LIN52: variants seen among roughly 807,000 people sequenced by gnomAD.
LIN52 encodes the protein protein lin-52 homolog.
Under a neutral mutation model 18.5 loss-of-function variants are expected in LIN52, and 4 were observed. The observed-to-expected ratio is 0.22, with a 90% CI of 0.11 to 0.49. The LOEUF (loss-of-function observed/expected upper bound fraction) is 0.49. LIN52 is among the 20% of genes least tolerant of loss of function. LIN52 has a pLI of 0.97. For synonymous variants in LIN52, 34 were observed against 45.5 expected, an observed-to-expected ratio of 0.75 and a Z score of 1.02; for missense variants, 102 against 139.5, an observed-to-expected ratio of 0.73 and a Z score of 1.35.
intron 5 of LIN52, among the ~76,000 whole-genome samples, chr14:74,119,836 CTTTT>C (rs555673247): frequency 7.6e-6 from 1 of 132,330 alleles, no homozygotes. Flanking sequence ...CTGGATTATT[CTTTT>C]TTTTTTTTTT....
At chr14:74,129,880 C>A (rs894199129) in intron 5 of LIN52, among the ~76,000 whole-genome samples, 2 of 152,092 alleles carry the variant, frequency 1.3e-5, no homozygotes, top group East Asian at 3.8e-4. Context: ...TAAAGACATA[C>A]CCCAGACTGG....
chr14:74,157,729 A>C (rs1003088950), intron 5 of LIN52, among the ~76,000 whole-genome samples: 5 of 152,000 alleles, frequency 3.3e-5, no homozygotes, highest in Admixed American at 3.3e-4. Flanking sequence ...CCTGCTTATC[A>C]AAGTTCTATG....
chr14:74,143,782 T>C (rs1253221522), intron 5 of LIN52, among the ~76,000 whole-genome samples: 2 of 152,174 alleles, frequency 1.3e-5, no homozygotes, highest in Non-Finnish European at 2.9e-5. Flanking sequence ...TTCTTTGTGG[T>C]GAGAACATTC....
At chr14:74,099,353 C>T (rs193151743) in intron 4 of LIN52, among the ~76,000 whole-genome samples, 2 of 152,260 alleles carry the variant, frequency 1.3e-5, no homozygotes, top group Non-Finnish European at 2.9e-5. Flanking sequence ...CAGATTCCCT[C>T]CTCCTGCCAT....
intron 5 of LIN52, among the ~76,000 whole-genome samples, chr14:74,134,628 C>T (rs906440038): frequency 6.6e-6 from 1 of 150,754 alleles, no homozygotes; most frequent in Non-Finnish European, 1.5e-5. Context: ...TTCCCTCTGG[C>T]CCCCCTCCCC....
chr14:74,096,130 G>A (rs1177189461), intron 3 of LIN52, 145 bp downstream of exon 3: 2 of 512,726 alleles, frequency 3.9e-6, no homozygotes, highest in South Asian at 6.4e-5. Flanking sequence ...GTACGATCTC[G>A]GCTCACTGCA....
At chr14:74,195,794 T>C (rs749806168) in intron 5 of LIN52, among the ~76,000 whole-genome samples, 1 of 152,178 alleles carries the variant, frequency 6.6e-6, no homozygotes, top group Non-Finnish European at 1.5e-5. Context: ...GGGCGGTGAT[T>C]ACTGTAGCAG....
intron 5 of LIN52, among the ~76,000 whole-genome samples, chr14:74,115,516 T>C (rs1047460543): frequency 9.2e-5 from 14 of 152,216 alleles, no homozygotes; most frequent in East Asian, 3.8e-4. Context: ...TGGAAACTTA[T>C]CCTTGTTTTC....
At chr14:74,177,188 G>A (rs2061298070) in intron 5 of LIN52, among the ~76,000 whole-genome samples, 1 of 152,018 alleles carries the variant, frequency 6.6e-6, no homozygotes, top group South Asian at 2.1e-4. Flanking sequence ...AGTAGGGATG[G>A]GGTTTCTCCA....
At chr14:74,105,347 C>T (rs2060890446) in intron 5 of LIN52, among the ~76,000 whole-genome samples, 1 of 152,162 alleles carries the variant, frequency 6.6e-6, no homozygotes. Context: ...GTCCCATGAG[C>T]ACAGCTGAGA....
chr14:74,192,483 A>T, intron 5 of LIN52: 1 of 159,144 alleles, frequency 6.3e-6, no homozygotes, highest in Non-Finnish European at 1.4e-5. Context: ...ATGAGGTTTC[A>T]CCATGTTGGC....
intron 5 of LIN52, among the ~76,000 whole-genome samples, chr14:74,177,658 T>G (rs1377308055): frequency 6.6e-6 from 1 of 152,174 alleles, no homozygotes; most frequent in Non-Finnish European, 1.5e-5. Flanking sequence ...TATCTTGAGC[T>G]AGGATGGAAA....
intron 5 of LIN52, among the ~76,000 whole-genome samples, chr14:74,141,844 C>T (rs1280150367): frequency 6.6e-6 from 1 of 152,128 alleles, no homozygotes; most frequent in East Asian, 1.9e-4. Context: ...AGTGTTTTCT[C>T]CCCTAATTTT....
chr14:74,119,960 C>G (rs1184939607), intron 5 of LIN52, among the ~76,000 whole-genome samples: 1 of 151,988 alleles, frequency 6.6e-6, no homozygotes, highest in Non-Finnish European at 1.5e-5. Flanking sequence ...CTCAGCCTCC[C>G]AAGTAGCTGG....
chr14:74,090,326 T>TTTTG lies in LIN52; in HGVS notation c.20-886_20-883dup, dbSNP rs565819770. On this transcript the variant is annotated intron_variant, in intron 1 of 5. Transcript: ENST00000555028. ...GAGGCACCCCACCTGCCCTGGTGTT[T>TTTTG]TTTGTTTGTTTGTTTGTTTGTTTTT... is the stretch of plus-strand genomic sequence containing the variant. Among the ~76,000 whole-genome samples the TTTTG allele has an allele frequency of 1.4e-3, 208 of 150,428 alleles. 1 individual carries two copies. The highest frequency in any genetic ancestry group is 4.7e-3 in the African/African-American group (191 of 40,866).
intron 5 of LIN52, among the ~76,000 whole-genome samples, chr14:74,160,785 G>A (rs2061221090): frequency 6.6e-6 from 1 of 152,132 alleles, no homozygotes; most frequent in East Asian, 1.9e-4. Flanking sequence ...ATTTAAGGCA[G>A]TTTATAATCA....
intron 5 of LIN52, among the ~76,000 whole-genome samples, chr14:74,143,445 T>G (rs1566859881): frequency 6.6e-6 from 1 of 152,112 alleles, no homozygotes; most frequent in Non-Finnish European, 1.5e-5. Flanking sequence ...CCCAGCTACT[T>G]GGGAAGCTGA....
chr14:74,090,301 G>C (rs1443450545), intron 1 of LIN52, among the ~76,000 whole-genome samples: 1 of 151,678 alleles, frequency 6.6e-6, no homozygotes, highest in Non-Finnish European at 1.5e-5. Context: ...TTATAGGCAT[G>C]AGGCACCCCA....
intron 1 of LIN52, 79 bp downstream of exon 1, chr14:74,085,072 C>A: frequency 1.7e-6 from 2 of 1,209,570 alleles, no homozygotes; most frequent in Non-Finnish European, 2.2e-6. Flanking sequence ...CTCTGCCCCT[C>A]GAACATACAT....
Sources: allele counts gnomAD v4.1 joint callset (sites outside exome capture counted in the v4.1 genomes callset), GRCh38; gene constraint gnomAD v4.1.1; transcripts MANE v1.5; gene names NCBI Gene and HGNC (gene_info 2026-07-23, HGNC 2026-07-21).